DLG2: variants seen among roughly 807,000 people sequenced by gnomAD.
DLG2 encodes the protein discs large MAGUK scaffold protein 2.
In DLG2, 45 loss-of-function variants were observed where a neutral mutation model predicts 132.5. The ratio of observed to expected loss-of-function variants is 0.34; its 90% confidence interval spans 0.27 to 0.44. The LOEUF is 0.44. DLG2 is among the 20% of genes least tolerant of loss of function. The pLI, the probability that DLG2 is intolerant of heterozygous loss-of-function variation, is 1.00. For missense variants in DLG2, 1,045 were observed against 1,196.9 expected (o/e 0.87, Z 1.87); for synonymous variants, 424 against 419.6 (o/e 1.01, Z -0.13).
At chr11:85,283,736 C>T (rs771967417) in intron 4 of DLG2, among the ~76,000 whole-genome samples, 2 of 151,826 alleles carry the variant, frequency 1.3e-5, no homozygotes, top group African/African-American at 4.8e-5. Context: ...AATAATGCTA[C>T]TAAAGATATA....
At chr11:85,185,908 G>A (rs1272323793) in intron 4 of DLG2, among the ~76,000 whole-genome samples, 1 of 151,910 alleles carries the variant, frequency 6.6e-6, no homozygotes, top group Non-Finnish European at 1.5e-5. Context: ...TCATAGGTAA[G>A]GGAAAACTGA....
In DLG2 at chr11:83,799,221, C is replaced by A. The variant is rs1032093766; in HGVS notation, c.1723-12429G>T. On this transcript the variant is annotated intron_variant, in intron 17 of 27. Coordinates refer to ENST00000376104, the MANE Select transcript of DLG2 (RefSeq NM_001142699.3). ...GAGCAGTCTGATGGCTGGCATAGAACATAGATAGGGAGAAAGAAAAAATGC... is the reference window on the plus strand; with the variant it reads ...GAGCAGTCTGATGGCTGGCATAGAAAATAGATAGGGAGAAAGAAAAAATGC... Among the ~76,000 whole-genome samples, 17 of 152,124 alleles carry A rather than the reference C, an allele frequency of 1.1e-4. 1 individual carries two copies. Among genetic ancestry groups the A allele is most frequent in the African/African-American group, 4.1e-4 (17 of 41,416 alleles).
At chr11:85,437,141 G>A (rs2091526815) in intron 3 of DLG2, among the ~76,000 whole-genome samples, 1 of 152,102 alleles carries the variant, frequency 6.6e-6, no homozygotes, top group Admixed American at 6.5e-5. Context: ...CATACACCAG[G>A]AACTGCGTGG....
At chr11:83,713,053 A>C (rs1424798818) in intron 18 of DLG2, among the ~76,000 whole-genome samples, 1 of 152,226 alleles carries the variant, frequency 6.6e-6, no homozygotes, top group East Asian at 1.9e-4. Flanking sequence ...AGAATATACA[A>C]AAAGGAAAAG....
chr11:83,838,455 C>T (rs940470219), intron 16 of DLG2, among the ~76,000 whole-genome samples: 1 of 152,124 alleles, frequency 6.6e-6, no homozygotes, highest in African/African-American at 2.4e-5. Flanking sequence ...TAGTAAGCAG[C>T]AAAGGCAGGA....
At chr11:83,635,506 A>C (rs1211257580) in intron 18 of DLG2, among the ~76,000 whole-genome samples, 4 of 150,252 alleles carry the variant, frequency 2.7e-5, no homozygotes, top group Admixed American at 6.6e-5. Context: ...GCCTTCCCTT[A>C]CCTTCTCTCT....
intron 11 of DLG2, among the ~76,000 whole-genome samples, chr11:84,048,321 C>T (rs1050565977): frequency 1.3e-5 from 2 of 151,538 alleles, no homozygotes; most frequent in Non-Finnish European, 3.0e-5. Context: ...TATATATATA[C>T]TCAAGTAAAT....
intron 6 of DLG2, among the ~76,000 whole-genome samples, chr11:84,833,373 T>C (rs1257600691): frequency 2.0e-5 from 3 of 151,492 alleles, no homozygotes; most frequent in African/African-American, 7.3e-5. Flanking sequence ...AGAAAGGGAA[T>C]AGAATGGAAT....
At chr11:84,449,706 A>G (rs899834517) in intron 7 of DLG2, among the ~76,000 whole-genome samples, 3 of 151,950 alleles carry the variant, frequency 2.0e-5, no homozygotes, top group Non-Finnish European at 4.4e-5. Context: ...TTGTTTACTT[A>G]TGTTATTTTA....
chr11:83,830,687 GC>G (rs2054237940), intron 17 of DLG2, among the ~76,000 whole-genome samples: 1 of 152,208 alleles, frequency 6.6e-6, no homozygotes, highest in Non-Finnish European at 1.5e-5. Flanking sequence ...AAGAAAGTGT[GC>G]TGAGAGGAGA....
chr11:83,728,384 C>G (rs1292202621), intron 18 of DLG2, among the ~76,000 whole-genome samples: 1 of 152,192 alleles, frequency 6.6e-6, no homozygotes, highest in Non-Finnish European at 1.5e-5. Flanking sequence ...AACTTGGTGA[C>G]TTTATACAGA....
chr11:84,325,792 C>T (rs763654633), intron 7 of DLG2, among the ~76,000 whole-genome samples: 1 of 152,028 alleles, frequency 6.6e-6, no homozygotes, highest in Non-Finnish European at 1.5e-5. Context: ...CCTTCCTCTT[C>T]AATATTTTGG....
chr11:83,790,147 C>G, intron 17 of DLG2: 1 of 847,238 alleles, frequency 1.2e-6, no homozygotes, highest in Non-Finnish European at 1.9e-6. Context: ...CAGATCCAGG[C>G]AGCTGAGACC....
intron 3 of DLG2, among the ~76,000 whole-genome samples, chr11:85,298,725 GT>G (rs775630773): frequency 6.6e-6 from 1 of 151,888 alleles, no homozygotes; most frequent in Non-Finnish European, 1.5e-5. Flanking sequence ...GTCCCAATAT[GT>G]TAATTTCCCA....
At chr11:84,687,897 A>C (rs1447470971) in intron 6 of DLG2, among the ~76,000 whole-genome samples, 1 of 152,196 alleles carries the variant, frequency 6.6e-6, no homozygotes. Flanking sequence ...AAAACTAAGG[A>C]TGGAGGGATT....
chr11:85,507,260 T>C (rs1285676683), intron 3 of DLG2, among the ~76,000 whole-genome samples: 4 of 152,220 alleles, frequency 2.6e-5, no homozygotes, highest in Admixed American at 1.3e-4. Context: ...ATTATGATGT[T>C]AGCTGGTTAT....
At chr11:83,614,718 TCAA>T (rs749828443) in intron 19 of DLG2, among the ~76,000 whole-genome samples, 2 of 152,098 alleles carry the variant, frequency 1.3e-5, no homozygotes, top group Admixed American at 6.5e-5. Context: ...AGACCCTGTC[TCAA>T]CAACAACAAC....
chr11:84,704,246 T>C (rs919576355), intron 6 of DLG2, among the ~76,000 whole-genome samples: 1 of 151,484 alleles, frequency 6.6e-6, no homozygotes, highest in African/African-American at 2.4e-5. Context: ...TGACACTCTA[T>C]GTTCACAGAT....
At chr11:84,141,885 T>C (rs1421357271) in intron 9 of DLG2, among the ~76,000 whole-genome samples, 1 of 152,188 alleles carries the variant, frequency 6.6e-6, no homozygotes, top group Non-Finnish European at 1.5e-5. Context: ...TCAGTGATTC[T>C]AAGAAAAGAA....
Sources: allele counts gnomAD v4.1 joint callset (sites outside exome capture counted in the v4.1 genomes callset), GRCh38; gene constraint gnomAD v4.1.1; transcripts MANE v1.5; gene names NCBI Gene and HGNC (gene_info 2026-07-23, HGNC 2026-07-21).